The following NINJ1 variants were observed in gnomAD, a reference collection of about 807,000 sequenced individuals.
The protein encoded by NINJ1 is ninjurin 1, also known as ninjurin-1.
Under a neutral mutation model 12.7 loss-of-function variants are expected in NINJ1, and 6 were observed. The ratio of observed to expected loss-of-function variants is 0.47; its 90% CI spans 0.26 to 0.93. The LOEUF is 0.93. NINJ1 is among the 40% of genes least tolerant of loss of function. The pLI is 0.15. For synonymous variants in NINJ1, 100 were observed against 96.0 expected, an observed-to-expected ratio of 1.04 and a Z score of -0.25; for missense variants, 170 against 213.0, an observed-to-expected ratio of 0.80 and a Z score of 1.26.
intron 1 of NINJ1, among the ~76,000 whole-genome samples, chr9:93,133,941 G>A (rs900923920): frequency 1.3e-4 from 20 of 152,250 alleles, no homozygotes; most frequent in African/African-American, 4.8e-4. Context: ...ACGCCCCCTC[G>A]TCCCGCCCAC....
At chr9:93,125,831 G>A (rs1198448360) in intron 2 of NINJ1, 2 of 153,526 alleles carry the variant, frequency 1.3e-5, no homozygotes, top group African/African-American at 2.4e-5. Context: ...CAGAAGGCTC[G>A]CTTGAGCCTG....
At chr9:93,128,787 G>C (rs1272713185) in intron 1 of NINJ1, among the ~76,000 whole-genome samples, 1 of 152,196 alleles carries the variant, frequency 6.6e-6, no homozygotes, top group Non-Finnish European at 1.5e-5. Flanking sequence ...ACATATATGT[G>C]CGTGTTCCTA....
chr9:93,132,381 C>T (rs1263701329), intron 1 of NINJ1, among the ~76,000 whole-genome samples: 1 of 152,222 alleles, frequency 6.6e-6, no homozygotes, highest in East Asian at 1.9e-4. Context: ...CCTGGCTTCC[C>T]ATCCCCCCAC....
At chr9:93,124,314 G>A (rs755283769) in intron 3 of NINJ1, among the ~76,000 whole-genome samples, 4 of 152,118 alleles carry the variant, frequency 2.6e-5, no homozygotes, top group South Asian at 2.1e-4. Flanking sequence ...TCACTCTGTC[G>A]CTCAGGCTGG....
chr9:93,129,412 C>T (rs1278893618), intron 1 of NINJ1, among the ~76,000 whole-genome samples: 1 of 152,186 alleles, frequency 6.6e-6, no homozygotes, highest in Non-Finnish European at 1.5e-5. Context: ...CCTCTGAGCC[C>T]CGAGTGGCCA....
chr9:93,134,054 A>C (rs1827938575), intron 1 of NINJ1, 89 bp downstream of exon 1: 1 of 1,035,630 alleles, frequency 9.7e-7, no homozygotes, highest in Admixed American at 2.6e-5. Flanking sequence ...TGCAGTGCGG[A>C]CGCGGCGCAC....
Position 93,121,979 on chromosome 9 carries a change from C to CT in NINJ1, c.*260dup, listed in dbSNP as rs1564217586. On this transcript the variant is annotated 3_prime_UTR_variant, in exon 4 of 4. Coordinates refer to ENST00000375446, the MANE Select transcript of NINJ1 (RefSeq NM_004148.4). ...AGCTGTCCAGTTCTGACCCTCTGGG[C>CT]TATTGTGGCCAGCCCCCATGTGCCA... 6.6e-6 allele frequency: 1 copy of CT among 152,318 alleles called. No homozygotes were observed. Among genetic ancestry groups the CT allele is most frequent in the East Asian group, 1.9e-4 (1 of 5,200 alleles). The allele number at this position is 152,318 out of a possible 1,614,324, so 9.4% of individuals were successfully genotyped here.
intron 1 of NINJ1, among the ~76,000 whole-genome samples, chr9:93,129,817 G>T (rs1827865372): frequency 6.6e-6 from 1 of 152,214 alleles, no homozygotes; most frequent in Non-Finnish European, 1.5e-5. Flanking sequence ...TCATGTGGAG[G>T]GGAGGGCAGC....
In NINJ1 at chr9:93,124,973, C is replaced by CT. The variant is rs768567754; in HGVS notation, c.393dup (p.Val132SerfsTer211). 4 of 1,614,030 alleles carry CT rather than the reference C, an allele frequency of 2.5e-6. No individual in the cohort carries two copies. The highest frequency in any genetic ancestry group is 3.4e-6 in the Non-Finnish European group (4 of 1,179,994). On this transcript the variant is annotated frameshift_variant, in exon 3 of 4. Coordinates refer to ENST00000375446, the MANE Select transcript of NINJ1 (RefSeq NM_004148.4). LOFTEE classifies it high-confidence loss of function. ...CCGAAGGCCGTGATGAAGATGTTGA[C>CT]TACCACGATGATGAACACCAGGCCC...
Position 93,124,974 on chromosome 9 carries a change from T to C in NINJ1, c.393A>G (p.Val131=), listed in dbSNP as rs1318011229. Reference sequence around the variant, plus strand: ...CGAAGGCCGTGATGAAGATGTTGACTACCACGATGATGAACACCAGGCCCG... The same window carrying C: ...CGAAGGCCGTGATGAAGATGTTGACCACCACGATGATGAACACCAGGCCCG... ...LATGLVFIIV[V]VNIFITAFGV... is the part of the protein sequence containing the mutation. The change falls in exon 3 of 4, where the codon GTA becomes GTG. Residue 131 remains valine (V), a synonymous_variant. Transcript: ENST00000375446. 1.9e-6 allele frequency: 3 copies of C among 1,613,986 alleles called. No individual in the cohort carries two copies. Among genetic ancestry groups the C allele is most frequent in the East Asian group, 2.2e-5 (1 of 44,890 alleles).
Position 93,134,129 on chromosome 9 carries a change from G to A in NINJ1, c.75+14C>T, listed in dbSNP as rs1827940389. On this transcript the variant is annotated intron_variant, in intron 1 of 3. Transcript: ENST00000375446. ...GCCTGGCAAGATCATGCAGCGGTGG[G>A]GGGAAGGTCTTACCGAGGCGTCCGG... 2 of 1,546,792 alleles carry A rather than the reference G, an allele frequency of 1.3e-6. No homozygotes were observed. The highest frequency in any genetic ancestry group is 1.2e-5 in the South Asian group (1 of 83,196).
intron 1 of NINJ1, among the ~76,000 whole-genome samples, chr9:93,133,841 C>G (rs898863582): frequency 6.6e-6 from 1 of 152,170 alleles, no homozygotes; most frequent in Non-Finnish European, 1.5e-5. Flanking sequence ...GTCCTTAGCC[C>G]GAGGAGCTGC....
chr9:93,122,552 AG>A (rs1180175828), intron 3 of NINJ1, among the ~76,000 whole-genome samples: 1 of 152,206 alleles, frequency 6.6e-6, no homozygotes, highest in Non-Finnish European at 1.5e-5. Context: ...ACCCGGACTC[AG>A]GAAGGAGAAG....
intron 3 of NINJ1, among the ~76,000 whole-genome samples, chr9:93,122,589 C>CA (rs1350169671): frequency 6.6e-6 from 1 of 152,190 alleles, no homozygotes; most frequent in Admixed American, 6.5e-5. Flanking sequence ...TGAGAGGTGT[C>CA]AAAGTACTCC....
Position 93,124,985 on chromosome 9 carries a change from T to C in NINJ1, c.382A>G (p.Ile128Val). The C allele has an allele frequency of 1.2e-6, 2 of 1,614,104 alleles. No individual in the cohort carries two copies. Among genetic ancestry groups the C allele is most frequent in the South Asian group, 1.1e-5 (1 of 91,080 alleles). The change falls in exon 3 of 4, where the codon ATC becomes GTC. Residue 128 changes from isoleucine to valine, a missense_variant. Physicochemically the swap from Ile to Val is conservative, Grantham distance 29 (BLOSUM62 3). Transcript: ENST00000375446. ...LNNLATGLVF[I>V]IVVVNIFITA... ...ATGAAGATGTTGACTACCACGATGA[T>C]GAACACCAGGCCCGTGGCCAGGTTG...
In NINJ1 at chr9:93,123,742, G is replaced by A. The variant is rs540184878; in HGVS notation, c.*9+1157C>T. Reference sequence around the variant, plus strand: ...TCACCTCCACCTCTGCTACAAACCGGAGGGGTGACCCCTAGGCCTAAGGTC... The same window carrying A: ...TCACCTCCACCTCTGCTACAAACCGAAGGGGTGACCCCTAGGCCTAAGGTC... On this transcript the variant is annotated intron_variant, in intron 3 of 3. Coordinates refer to ENST00000375446, the MANE Select transcript of NINJ1 (RefSeq NM_004148.4). Among the ~76,000 whole-genome samples, 162 of 152,370 alleles carry A rather than the reference G, an allele frequency of 1.1e-3. 1 individual carries two copies. Among genetic ancestry groups the A allele is most frequent in the African/African-American group, 3.6e-3 (148 of 41,590 alleles).
At chr9:93,124,814 C>A in intron 3 of NINJ1, 85 bp downstream of exon 3, 7 of 1,432,988 alleles carry the variant, frequency 4.9e-6, no homozygotes, top group Non-Finnish European at 6.6e-6. Flanking sequence ...CAAGGCTGGC[C>A]GGCCAGGGAC....
chr9:93,127,557 T>G lies in NINJ1; in HGVS notation c.76-919A>C, dbSNP rs527409085. ...GCCACAGGAAGGTCCTCTCTAGGGC[T>G]GGCCCTTCATTCCAAGCTAAGTACC... On this transcript the variant is annotated intron_variant, in intron 1 of 3. Transcript: ENST00000375446. Among the ~76,000 whole-genome samples the G allele has an allele frequency of 1.3e-4, 20 of 152,326 alleles. No homozygotes were observed. In the South Asian group the frequency reaches 3.7e-3, roughly 28 times the overall value.
At chr9:93,132,335 A>T (rs1587667017) in intron 1 of NINJ1, among the ~76,000 whole-genome samples, 2 of 152,314 alleles carry the variant, frequency 1.3e-5, no homozygotes, top group East Asian at 3.9e-4. Flanking sequence ...CCTGGACACC[A>T]GACCGTGATC....
Sources: gnomAD v4.1 joint callset for allele counts (sites outside exome capture counted in the v4.1 genomes callset) on GRCh38, gnomAD v4.1.1 for gene constraint, MANE v1.5 for transcripts, NCBI Gene and HGNC (gene_info 2026-07-23, HGNC 2026-07-21) for gene names.